OTOGL: variants seen among roughly 807,000 people sequenced by gnomAD.
The protein encoded by OTOGL is otogelin like, also known as otogelin-like protein.
Under a neutral mutation model 318.5 loss-of-function variants are expected in OTOGL, and 285 were observed. The ratio of observed to expected loss-of-function variants is 0.89; its 90% CI spans 0.81 to 0.99. The LOEUF is 0.99. Ranked by LOEUF, OTOGL falls within the 50% of genes least tolerant of loss-of-function variation. The pLI, the probability that OTOGL is intolerant of heterozygous loss-of-function variation, is 0.00. For synonymous variants in OTOGL, 987 were observed against 936.5 expected, an observed-to-expected ratio of 1.05 and a Z score of -0.99; for missense variants, 2,899 against 2,845.6, an observed-to-expected ratio of 1.02 and a Z score of -0.43.
chr12:80,183,229 C>A (rs1341894682), intron 1 of OTOGL, among the ~76,000 whole-genome samples: 1 of 152,142 alleles, frequency 6.6e-6, no homozygotes, highest in African/African-American at 2.4e-5. Context: ...AGATGACAGT[C>A]CTACTGAGGT....
At chr12:80,342,964 C>G (rs1185854387) in intron 44 of OTOGL, among the ~76,000 whole-genome samples, 2 of 152,166 alleles carry the variant, frequency 1.3e-5, no homozygotes, top group Non-Finnish European at 2.9e-5. Flanking sequence ...TCACTGCAAC[C>G]TCTGCCTCCC....
At chr12:80,201,438 A>G (rs1179376889) in intron 1 of OTOGL, among the ~76,000 whole-genome samples, 7 of 152,020 alleles carry the variant, frequency 4.6e-5, no homozygotes, top group South Asian at 2.1e-4. Context: ...GATGCGAGAC[A>G]CCTTTTAGCA....
At chr12:80,253,870 CT>C (rs1240632827) in intron 14 of OTOGL, among the ~76,000 whole-genome samples, 2 of 151,998 alleles carry the variant, frequency 1.3e-5, no homozygotes, top group Non-Finnish European at 2.9e-5. Context: ...CTTGATGGTG[CT>C]TCTGGGCTTC....
At chr12:80,361,850 G>A (rs1890256169) in intron 52 of OTOGL, among the ~76,000 whole-genome samples, 1 of 152,046 alleles carries the variant, frequency 6.6e-6, no homozygotes, top group Non-Finnish European at 1.5e-5. Flanking sequence ...ATATTGAGTT[G>A]TTTGAGTTCT....
chr12:80,264,917 T>C (rs1882827822), intron 19 of OTOGL, 84 bp from the exon 20 acceptor site: 6 of 1,358,544 alleles, frequency 4.4e-6, no homozygotes, highest in Middle Eastern at 1.8e-4. Flanking sequence ...CACTACAGTG[T>C]ATTTCTAAGA....
At chr12:80,101,673 A>T (rs1459275745) in intron 1 of OTOGL, among the ~76,000 whole-genome samples, 2 of 151,880 alleles carry the variant, frequency 1.3e-5, no homozygotes, top group Non-Finnish European at 2.9e-5. Flanking sequence ...TAAGTGTAAA[A>T]GCAGTTTTTT....
intron 57 of OTOGL, among the ~76,000 whole-genome samples, chr12:80,372,736 C>T (rs987625035): frequency 5.9e-5 from 9 of 151,478 alleles, no homozygotes; most frequent in East Asian, 3.9e-4. Flanking sequence ...TTGCCCAGGC[C>T]GGGGCGTAGT....
chr12:80,138,678 A>G (rs973097819), intron 1 of OTOGL, among the ~76,000 whole-genome samples: 1 of 152,192 alleles, frequency 6.6e-6, no homozygotes, highest in African/African-American at 2.4e-5. Flanking sequence ...AAAAAGGCCA[A>G]TGTCAAGAAA....
At chr12:80,184,758 C>G (rs1160177134) in intron 1 of OTOGL, among the ~76,000 whole-genome samples, 3 of 152,164 alleles carry the variant, frequency 2.0e-5, no homozygotes, top group Non-Finnish European at 4.4e-5. Context: ...AGTTCATGAA[C>G]AGACAAAAGG....
intron 1 of OTOGL, among the ~76,000 whole-genome samples, chr12:80,117,878 T>C (rs1419505134): frequency 3.9e-5 from 6 of 152,226 alleles, no homozygotes; most frequent in Non-Finnish European, 8.8e-5. Flanking sequence ...ACTGCTTTTT[T>C]CTTCTTCAAA....
At chr12:80,351,288 G>T (rs1302634552) in intron 44 of OTOGL, among the ~76,000 whole-genome samples, 1 of 147,460 alleles carries the variant, frequency 6.8e-6, no homozygotes, top group Non-Finnish European at 1.5e-5. Flanking sequence ...TCTTGCCATT[G>T]TGTTTTTTTT....
intron 52 of OTOGL, among the ~76,000 whole-genome samples, chr12:80,365,255 G>A (rs2138066674): frequency 6.6e-6 from 1 of 152,254 alleles, no homozygotes; most frequent in Non-Finnish European, 1.5e-5. Context: ...GCAGCCTAAA[G>A]TGATTTTGTT....
At chr12:80,294,278 A>T (rs1042833750) in intron 26 of OTOGL, among the ~76,000 whole-genome samples, 1 of 152,090 alleles carries the variant, frequency 6.6e-6, no homozygotes, top group Non-Finnish European at 1.5e-5. Flanking sequence ...AAGACAAAGC[A>T]TACAAGATAG....
rs113607695 is a variant in OTOGL, at chr12:80,300,203, G to GT, written c.3064-2417dup. Among the ~76,000 whole-genome samples, 499 of 143,184 alleles carry GT rather than the reference G, an allele frequency of 3.5e-3. 1 individual carries two copies. Among genetic ancestry groups the GT allele is most frequent in the South Asian group, 0.015 (68 of 4,454 alleles). The allele number at this position is 143,184 out of a possible 152,430, so 93.9% of individuals were successfully genotyped here. A position where few individuals can be genotyped will look rare whatever the true frequency, so the allele number is the denominator to read the frequency against. ...TCATGTTCTGTCTCGATGTGTCGTGGTTTTTTTTTTTTTTAATCATCATTT... is the reference window on the plus strand; with the variant it reads ...TCATGTTCTGTCTCGATGTGTCGTGGTTTTTTTTTTTTTTTAATCATCATTT... On this transcript the variant is annotated intron_variant, in intron 27 of 58. Transcript: ENST00000547103.
intron 1 of OTOGL, among the ~76,000 whole-genome samples, chr12:80,146,632 G>A (rs1006441157): frequency 6.6e-6 from 1 of 151,936 alleles, no homozygotes; most frequent in African/African-American, 2.4e-5. Flanking sequence ...CAGAAGGAAT[G>A]GTATCAGTTC....
chr12:80,221,680 GT>G (rs34569312), intron 6 of OTOGL, among the ~76,000 whole-genome samples: 50,793 of 151,910 alleles, frequency 0.33, 9,674 homozygotes, highest in South Asian at 0.46. Flanking sequence ...ATAAAAAGAC[GT>G]TTTTGAAAGA....
At chr12:80,338,442 G>C (rs571134226) in intron 42 of OTOGL, among the ~76,000 whole-genome samples, 2 of 152,116 alleles carry the variant, frequency 1.3e-5, no homozygotes, top group South Asian at 4.1e-4. Flanking sequence ...TTTGCTGCTA[G>C]TTACAGCTCA....
intron 1 of OTOGL, among the ~76,000 whole-genome samples, chr12:80,158,128 T>G (rs1181626233): frequency 6.6e-6 from 1 of 152,118 alleles, no homozygotes; most frequent in Non-Finnish European, 1.5e-5. Flanking sequence ...TCTATAAAGC[T>G]CAGAAAACTG....
At chr12:80,359,842 C>A (rs984003892) in intron 52 of OTOGL, among the ~76,000 whole-genome samples, 2 of 152,106 alleles carry the variant, frequency 1.3e-5, no homozygotes, top group Non-Finnish European at 1.5e-5. Flanking sequence ...TTTCTCTAGT[C>A]CTTCACAGTT....
Sources: allele counts gnomAD v4.1 joint callset (sites outside exome capture counted in the v4.1 genomes callset), GRCh38; gene constraint gnomAD v4.1.1; transcripts MANE v1.5; gene names NCBI Gene and HGNC (gene_info 2026-07-23, HGNC 2026-07-21).